The following ASTN1 variants were observed in gnomAD, a reference collection of about 807,000 sequenced individuals.
ASTN1 encodes astrotactin 1, also known as astrotactin-1.
A neutral mutation model predicts 140.7 loss-of-function variants in ASTN1; 41 were observed. That is an observed-to-expected ratio of 0.29 (90% CI 0.23 to 0.38). ASTN1 has a LOEUF of 0.38. Ranked by LOEUF, ASTN1 falls within the 10% of genes least tolerant of loss-of-function variation. ASTN1 has a pLI of 1.00. For synonymous variants in ASTN1, 640 were observed against 652.2 expected (o/e 0.98, Z 0.29); for missense variants, 1,479 against 1,678.8 (o/e 0.88, Z 2.08).
rs190864345 is a variant in ASTN1, at chr1:177,147,582, G to T, written c.283+16812C>A. Reference sequence around the variant, plus strand: ...GTACCTAAGACGTATAAGGCAGAATGAAAAGAATTAGAGGGAAAAATGAAA... The same window carrying T: ...GTACCTAAGACGTATAAGGCAGAATTAAAAGAATTAGAGGGAAAAATGAAA... On this transcript the variant is annotated intron_variant, in intron 1 of 22. Coordinates refer to ENST00000361833, the MANE Select transcript of ASTN1 (RefSeq NM_004319.3). Among the ~76,000 whole-genome samples, 46 of 152,302 alleles carry T rather than the reference G, an allele frequency of 3.0e-4. No individual in the cohort carries two copies. The East Asian group carries it at 8.3e-3, about 27-fold the overall frequency.
intron 9 of ASTN1, among the ~76,000 whole-genome samples, chr1:176,959,952 G>A (rs1334872880): frequency 3.9e-5 from 6 of 152,088 alleles, no homozygotes; most frequent in Non-Finnish European, 8.8e-5. Context: ...GTTACTTAGG[G>A]GACAATAGAA....
At chr1:177,022,221 A>G (rs1558037027) in intron 7 of ASTN1, among the ~76,000 whole-genome samples, 1 of 152,162 alleles carries the variant, frequency 6.6e-6, no homozygotes, top group Non-Finnish European at 1.5e-5. Context: ...CAGCACCTGA[A>G]GAAGATGCGA....
At chr1:177,038,440 GAGGA>G (rs1676826607) in intron 2 of ASTN1, among the ~76,000 whole-genome samples, 1 of 152,040 alleles carries the variant, frequency 6.6e-6, no homozygotes, top group African/African-American at 2.4e-5. Flanking sequence ...TTGTGGGACA[GAGGA>G]AGGAAGGGAG....
intron 1 of ASTN1, among the ~76,000 whole-genome samples, chr1:177,140,601 G>A (rs975045331): frequency 1.3e-5 from 2 of 152,156 alleles, no homozygotes; most frequent in Admixed American, 1.3e-4. Flanking sequence ...TTCATTGGGT[G>A]TCCATGTGTG....
intron 15 of ASTN1, chr1:176,935,996 A>C (rs900856145): frequency 4.0e-6 from 2 of 503,912 alleles, no homozygotes; most frequent in African/African-American, 3.9e-5. Flanking sequence ...GGATGAGCCC[A>C]GGAAAAATTA....
chr1:176,994,033 G>GTGTATGTGTGTA (rs1486303860), intron 8 of ASTN1, among the ~76,000 whole-genome samples: 1 of 151,752 alleles, frequency 6.6e-6, no homozygotes, highest in Non-Finnish European at 1.5e-5. Context: ...GTGTGTGTGT[G>GTGTATGTGTGTA]TGAATGTGGT....
chr1:176,991,437 A>AAAC (rs1674167200), intron 8 of ASTN1, among the ~76,000 whole-genome samples: 2 of 12,368 alleles, frequency 1.6e-4, no homozygotes, highest in African/African-American at 9.0e-4. Context: ...AAAAAAAACC[A>AAAC]AAAAAAAAAA....
intron 8 of ASTN1, among the ~76,000 whole-genome samples, chr1:176,972,822 G>A (rs112597902): frequency 0.015 from 2,310 of 152,140 alleles, 26 homozygotes; most frequent in Non-Finnish European, 0.024. Flanking sequence ...AGAGTAGTTC[G>A]TGTAAGTGCA....
intron 9 of ASTN1, among the ~76,000 whole-genome samples, chr1:176,963,022 C>T (rs1672732579): frequency 6.6e-6 from 1 of 152,134 alleles, no homozygotes; most frequent in South Asian, 2.1e-4. Flanking sequence ...GAAAAATGTG[C>T]ATTCTTGCTA....
At chr1:176,887,233 TC>T (rs1272543013) in intron 18 of ASTN1, among the ~76,000 whole-genome samples, 1 of 152,168 alleles carries the variant, frequency 6.6e-6, no homozygotes, top group African/African-American at 2.4e-5. Context: ...TTTGCAGAGC[TC>T]CATCTTTCTT....
At chr1:177,057,545 C>T (rs1258469659) in intron 2 of ASTN1, among the ~76,000 whole-genome samples, 4 of 152,114 alleles carry the variant, frequency 2.6e-5, no homozygotes, top group Non-Finnish European at 4.4e-5. Flanking sequence ...CATTAATTCC[C>T]TCTTGCACAT....
At chr1:177,069,668 A>C (rs1237722550) in intron 1 of ASTN1, among the ~76,000 whole-genome samples, 1 of 152,176 alleles carries the variant, frequency 6.6e-6, no homozygotes, top group Non-Finnish European at 1.5e-5. Context: ...TGGAGATGAA[A>C]ACATTCCTGT....
At chr1:177,087,828 C>T (rs572717057) in intron 1 of ASTN1, among the ~76,000 whole-genome samples, 41 of 152,296 alleles carry the variant, frequency 2.7e-4, no homozygotes, top group Non-Finnish European at 5.3e-4. Context: ...AAAGCGTCCC[C>T]GCTGCTGCTG....
intron 1 of ASTN1, among the ~76,000 whole-genome samples, chr1:177,077,093 T>G (rs533193441): frequency 6.6e-6 from 1 of 152,182 alleles, no homozygotes; most frequent in African/African-American, 2.4e-5. Flanking sequence ...ATTTGTCATA[T>G]TAATGATGGA....
chr1:177,080,947 A>G (rs967019737), intron 1 of ASTN1, among the ~76,000 whole-genome samples: 3 of 152,212 alleles, frequency 2.0e-5, no homozygotes, highest in Non-Finnish European at 4.4e-5. Flanking sequence ...AAGGCACTCA[A>G]TACATGTGTG....
intron 1 of ASTN1, among the ~76,000 whole-genome samples, chr1:177,100,227 T>C (rs1287014721): frequency 6.6e-6 from 1 of 152,120 alleles, no homozygotes; most frequent in Non-Finnish European, 1.5e-5. Context: ...AGAAATGTGG[T>C]GAGTTATAAT....
chr1:177,080,096 T>A (rs1298560648), intron 1 of ASTN1, among the ~76,000 whole-genome samples: 1 of 152,084 alleles, frequency 6.6e-6, no homozygotes, highest in African/African-American at 2.4e-5. Flanking sequence ...ATGTGTTTAA[T>A]GCTTAAGCAA....
intron 1 of ASTN1, among the ~76,000 whole-genome samples, chr1:177,126,705 A>G (rs1264961672): frequency 6.6e-6 from 1 of 152,258 alleles, no homozygotes; most frequent in East Asian, 1.9e-4. Flanking sequence ...AGCAAAGGCC[A>G]TTATGATAAC....
chr1:177,006,787 C>A (rs553451069), intron 8 of ASTN1, among the ~76,000 whole-genome samples: 1 of 152,144 alleles, frequency 6.6e-6, no homozygotes, highest in African/African-American at 2.4e-5. Flanking sequence ...GAGCCTCCCC[C>A]CTCCTCTGGG....
Sources: allele counts gnomAD v4.1 joint callset (sites outside exome capture counted in the v4.1 genomes callset), GRCh38; gene constraint gnomAD v4.1.1; transcripts MANE v1.5; gene names NCBI Gene and HGNC (gene_info 2026-07-23, HGNC 2026-07-21).